Variants in ZNF415 observed in about 807,000 individuals in gnomAD.
ZNF415 encodes the protein zinc finger protein 415.
ZNF415 carries 5 observed loss-of-function variants against 7.3 expected under a neutral mutation model. The ratio of observed to expected loss-of-function variants is 0.69; its 90% CI spans 0.36 to 1.44. ZNF415 has a LOEUF of 1.44. Ranked by LOEUF, ZNF415 falls within the 40% of genes most tolerant of loss-of-function variation. ZNF415 has a pLI of 0.04. For synonymous variants in ZNF415, 207 were observed against 226.3 expected (o/e 0.91, Z 0.77); for missense variants, 628 against 664.8 (o/e 0.94, Z 0.61).
Position 53,109,114 on chromosome 19 carries a change from G to T in ZNF415, c.931C>A (p.Arg311=). The change falls in exon 4 of 4, where the codon CGA becomes AGA. Residue 311 remains arginine (R), a synonymous_variant. Coordinates refer to ENST00000243643, the MANE Select transcript of ZNF415 (RefSeq NM_018355.4). ...KCYECDKVFS[R]NSCLALHQKT... The stretch of plus-strand genomic sequence containing the variant: ...TGATGTAGTGCAAGGCATGAATTTC[G>T]ACTGAAGACCTTGTCACACTCATAA... 1 of 1,613,712 alleles carries T rather than the reference G, an allele frequency of 6.2e-7. No individual in the cohort carries two copies. Among genetic ancestry groups the T allele is most frequent in the African/African-American group, 1.3e-5 (1 of 74,948 alleles).
chr19:53,127,224 A>G (rs1321718883), intron 1 of ZNF415, among the ~76,000 whole-genome samples: 3 of 151,320 alleles, frequency 2.0e-5, no homozygotes, highest in African/African-American at 7.3e-5. Context: ...CCTGATTCTT[A>G]GGATCCCCGT....
At chr19:53,130,582 G>T (rs1414661879) in intron 1 of ZNF415, among the ~76,000 whole-genome samples, 1 of 151,930 alleles carries the variant, frequency 6.6e-6, no homozygotes, top group East Asian at 1.9e-4. Context: ...GTTGCAAAAT[G>T]AACTATACAT....
At chr19:53,112,757 C>T (rs1402976537) in intron 3 of ZNF415, among the ~76,000 whole-genome samples, 1 of 152,312 alleles carries the variant, frequency 6.6e-6, no homozygotes, top group South Asian at 2.1e-4. Context: ...TCTGCATGCA[C>T]ATGTGTGGGA....
At chr19:53,127,530 A>T (rs1295373120) in intron 1 of ZNF415, among the ~76,000 whole-genome samples, 1 of 152,178 alleles carries the variant, frequency 6.6e-6, no homozygotes, top group Admixed American at 6.5e-5. Flanking sequence ...AGATCCTAAT[A>T]TCTTCCAAGA....
At position 53,108,905 on chromosome 19, in the gene ZNF415, C is replaced by T; in HGVS notation, c.1140G>A (p.Gly380=). ...SLATHQRIHT[G]EKPYKCNECG... Reference sequence around the variant, plus strand: ...ATTCATTACACTTGTATGGTTTCTCCCCAGTGTGAATTCTCTGATGAGTTG... The same window carrying T: ...ATTCATTACACTTGTATGGTTTCTCTCCAGTGTGAATTCTCTGATGAGTTG... The change falls in exon 4 of 4, where the codon GGG becomes GGA. Residue 380 remains glycine, a synonymous_variant. Transcript: ENST00000243643. 1 of 1,613,510 alleles carries T rather than the reference C, an allele frequency of 6.2e-7. No homozygotes were observed. Among genetic ancestry groups the T allele is most frequent in the Non-Finnish European group, 8.5e-7 (1 of 1,179,852 alleles).
chr19:53,131,643 G>T (rs749144403), intron 1 of ZNF415, among the ~76,000 whole-genome samples: 1 of 151,288 alleles, frequency 6.6e-6, no homozygotes, highest in Non-Finnish European at 1.5e-5. Flanking sequence ...TGCTCATTTT[G>T]AGCCCCTCTC....
In ZNF415 at chr19:53,119,055, C is replaced by T. The variant is rs187395162; in HGVS notation, c.16-2622G>A. 1.4e-4 allele frequency among the ~76,000 whole-genome samples: 22 copies of T among 151,920 alleles called. No homozygotes were observed. The East Asian group carries it at 1.6e-3, about 11-fold the overall frequency. On this transcript the variant is annotated intron_variant, in intron 2 of 3. Transcript: ENST00000243643. ...TAGCACTTTAGGAGGCCAAGGCGGG[C>T]GGATCACGAGGTCAGGAGATCAAGA... is the stretch of plus-strand genomic sequence containing the variant.
intron 3 of ZNF415, among the ~76,000 whole-genome samples, chr19:53,113,247 G>A (rs1163275135): frequency 3.6e-5 from 1 of 27,784 alleles, no homozygotes; most frequent in Non-Finnish European, 7.3e-5. Context: ...GGTGGCTCAC[G>A]CCTGTAATCC....
At chr19:53,114,723 T>C (rs1021479383) in intron 3 of ZNF415, among the ~76,000 whole-genome samples, 1 of 152,186 alleles carries the variant, frequency 6.6e-6, no homozygotes, top group African/African-American at 2.4e-5. Flanking sequence ...ACCTGTCAAC[T>C]GTTCTTACAG....
intron 1 of ZNF415, among the ~76,000 whole-genome samples, chr19:53,126,787 A>G (rs1173600545): frequency 7.6e-5 from 8 of 105,212 alleles, no homozygotes; most frequent in African/African-American, 2.2e-4. Context: ...GCGGAGGGGC[A>G]CCCTGTGGGG....
At chr19:53,132,155 C>T (rs1438480485) in intron 1 of ZNF415, among the ~76,000 whole-genome samples, 1 of 152,204 alleles carries the variant, frequency 6.6e-6, no homozygotes, top group African/African-American at 2.4e-5. Flanking sequence ...AAATCTCTAA[C>T]CATCCTCTAC....
At chr19:53,125,333 C>T (rs566383243) in intron 1 of ZNF415, among the ~76,000 whole-genome samples, 7 of 151,222 alleles carry the variant, frequency 4.6e-5, no homozygotes, top group African/African-American at 1.7e-4. Context: ...TGAGCCACCG[C>T]GCCTGGCCTT....
intron 2 of ZNF415, among the ~76,000 whole-genome samples, chr19:53,119,115 T>C (rs371137639): frequency 9.2e-5 from 14 of 151,686 alleles, no homozygotes; most frequent in African/African-American, 3.4e-4. Flanking sequence ...CCGCTTCTAC[T>C]AAAAAAATAC....
chr19:53,128,445 T>C (rs560431435), intron 1 of ZNF415, among the ~76,000 whole-genome samples: 1 of 140,850 alleles, frequency 7.1e-6, no homozygotes, highest in East Asian at 2.1e-4. Flanking sequence ...CCCTGCCAAA[T>C]TCCCCCGCTG....
chr19:53,113,226 T>TACAGCAGTGTAAAGCAAAAAA lies in ZNF415; in HGVS notation c.136+3086_136+3087insTTTTTTGCTTTACACTGCTGT, dbSNP rs1601055799. Among the ~76,000 whole-genome samples the TACAGCAGTGTAAAGCAAAAAA allele has an allele frequency of 8.4e-4, 90 of 106,994 alleles. 21 individuals carry two copies. The highest frequency in any genetic ancestry group is 1.6e-3 in the African/African-American group (46 of 28,422). 70.2% of individuals were successfully genotyped at this position (106,994 alleles called of 152,430 possible). A position where few individuals can be genotyped will look rare whatever the true frequency, so the allele number is the denominator to read the frequency against. On this transcript the variant is annotated intron_variant, in intron 3 of 3. Coordinates refer to ENST00000243643, the MANE Select transcript of ZNF415 (RefSeq NM_018355.4). ...CACTGGACTTTAAAAACCGAGGCAT[T>TACAGCAGTGTAAAGCAAAAAA]GGCCGGGCGCGGTGGCTCACGCCTG...
chr19:53,126,511 A>G (rs1255848275), intron 1 of ZNF415, among the ~76,000 whole-genome samples: 1 of 139,554 alleles, frequency 7.2e-6, no homozygotes, highest in Non-Finnish European at 1.6e-5. Context: ...TGACTGCAGA[A>G]CTGCAGGAAG....
Position 53,109,602 on chromosome 19 carries a change from T to G in ZNF415, c.443A>C (p.His148Pro), listed in dbSNP as rs16984466. 19,765 of 1,614,020 alleles carry G rather than the reference T, an allele frequency of 0.012. 1,852 individuals carry two copies. The African/African-American group carries it at 0.22, about 18-fold the overall frequency. ...QLGLSFLPHP[H>P]ELQQFQAEGK... Reference sequence around the variant, plus strand: ...TTCAGCTTGAAACTGCTGCAGTTCATGGGGATGTGGTAGAAAGCTTAATCC... The same window carrying G: ...TTCAGCTTGAAACTGCTGCAGTTCAGGGGGATGTGGTAGAAAGCTTAATCC... The change falls in exon 4 of 4, where the codon CAT becomes CCT. Residue 148 changes from histidine (H) to proline (P), a missense_variant. Physicochemically the swap from His to Pro is moderately conservative, Grantham distance 77. Coordinates refer to ENST00000243643, the MANE Select transcript of ZNF415 (RefSeq NM_018355.4).
intron 2 of ZNF415, among the ~76,000 whole-genome samples, chr19:53,121,672 C>G (rs951221833): frequency 7.9e-5 from 12 of 151,982 alleles, no homozygotes; most frequent in African/African-American, 2.9e-4. Context: ...ATCCGCTCAC[C>G]TCGGCCTCCA....
At chr19:53,119,496 C>T (rs1181433063) in intron 2 of ZNF415, among the ~76,000 whole-genome samples, 6 of 145,668 alleles carry the variant, frequency 4.1e-5, no homozygotes, top group Non-Finnish European at 9.0e-5. Context: ...TAACAATGCA[C>T]CTCAAGGAAC....
Sources: allele counts gnomAD v4.1 joint callset (sites outside exome capture counted in the v4.1 genomes callset), GRCh38; gene constraint gnomAD v4.1.1; transcripts MANE v1.5; gene names NCBI Gene and HGNC (gene_info 2026-07-23, HGNC 2026-07-21).